The following PKIA variants were observed in gnomAD, a reference collection of about 807,000 sequenced individuals.
PKIA encodes PKI-alpha.
Under a neutral mutation model 7.6 loss-of-function variants are expected in PKIA, and 4 were observed. The observed-to-expected ratio is 0.52, with a 90% CI of 0.26 to 1.20. PKIA has a LOEUF of 1.20. Ranked by LOEUF, PKIA falls within the 50% of genes most tolerant of loss-of-function variation. PKIA has a pLI of 0.13. For synonymous variants in PKIA, 21 were observed against 30.7 expected (o/e 0.68, Z 1.04); for missense variants, 73 against 86.2 (o/e 0.85, Z 0.61).
At chr8:78,552,445 C>T (rs1366235118) in intron 1 of PKIA, among the ~76,000 whole-genome samples, 1 of 151,738 alleles carries the variant, frequency 6.6e-6, no homozygotes, top group Non-Finnish European at 1.5e-5. Flanking sequence ...ATCATTTATG[C>T]TCCCGTGAGT....
chr8:78,540,704 C>T (rs946630229), intron 1 of PKIA, among the ~76,000 whole-genome samples: 46 of 151,224 alleles, frequency 3.0e-4, no homozygotes, highest in African/African-American at 1.1e-3. Flanking sequence ...TTCCTTTTTT[C>T]GCAAATTTTT....
At chr8:78,544,655 T>TC (rs1806779022) in intron 1 of PKIA, among the ~76,000 whole-genome samples, 1 of 152,174 alleles carries the variant, frequency 6.6e-6, no homozygotes, top group Non-Finnish European at 1.5e-5. Flanking sequence ...CATCTATTAA[T>TC]CCAGGAATCA....
chr8:78,536,495 C>T (rs1193940975), intron 1 of PKIA, among the ~76,000 whole-genome samples: 1 of 152,032 alleles, frequency 6.6e-6, no homozygotes, highest in African/African-American at 2.4e-5. Flanking sequence ...CAATCCAATT[C>T]TAGTTACTGT....
chr8:78,594,299 A>G (rs1336640202), intron 2 of PKIA, among the ~76,000 whole-genome samples: 2 of 152,110 alleles, frequency 1.3e-5, no homozygotes, highest in Non-Finnish European at 1.5e-5. Flanking sequence ...GCAGCAGAGA[A>G]ACTCTGGAAA....
At chr8:78,554,401 G>C (rs200337628) in intron 1 of PKIA, among the ~76,000 whole-genome samples, 1 of 151,876 alleles carries the variant, frequency 6.6e-6, no homozygotes, top group African/African-American at 2.4e-5. Context: ...ACACCTGAGA[G>C]GAAAGCCACC....
chr8:78,580,029 C>G (rs1807769081), intron 2 of PKIA, among the ~76,000 whole-genome samples: 2 of 151,948 alleles, frequency 1.3e-5, no homozygotes, highest in Admixed American at 1.3e-4. Context: ...GGAAGACAAT[C>G]CAATAAAGAC....
At chr8:78,578,799 T>G (rs1807737299) in intron 2 of PKIA, among the ~76,000 whole-genome samples, 1 of 151,998 alleles carries the variant, frequency 6.6e-6, no homozygotes, top group Admixed American at 6.6e-5. Context: ...GTTTTCTGTC[T>G]GTGCACATGA....
At chr8:78,543,142 CTG>C (rs1191549510) in intron 1 of PKIA, among the ~76,000 whole-genome samples, 1 of 152,164 alleles carries the variant, frequency 6.6e-6, no homozygotes, top group African/African-American at 2.4e-5. Context: ...GCCTTGAACA[CTG>C]AGGTCAGAAC....
In PKIA at chr8:78,539,136, T is replaced by A. The variant is rs373341252; in HGVS notation, c.-157+22668T>A. 2.6e-5 allele frequency among the ~76,000 whole-genome samples: 4 copies of A among 152,182 alleles called. No individual in the cohort carries two copies. In the South Asian group the frequency reaches 8.3e-4, roughly 32 times the overall value. On this transcript the variant is annotated intron_variant, in intron 1 of 3. Coordinates refer to ENST00000396418, the MANE Select transcript of PKIA (RefSeq NM_006823.4). ...GGCATAAAACATTTGGAGGAAAAGG[T>A]TGATGAGATCCAATTAATGGGCAAA...
At chr8:78,547,032 C>G in intron 1 of PKIA, among the ~76,000 whole-genome samples, 1 of 151,880 alleles carries the variant, frequency 6.6e-6, no homozygotes, top group East Asian at 1.9e-4. Context: ...GTTAGTCATA[C>G]AGTTAATCAT....
chr8:78,579,039 AG>A (rs1807743260), intron 2 of PKIA, among the ~76,000 whole-genome samples: 1 of 152,036 alleles, frequency 6.6e-6, no homozygotes, highest in Non-Finnish European at 1.5e-5. Flanking sequence ...TCAAGCCAAA[AG>A]CTTGGGATTC....
At chr8:78,587,005 G>A (rs1029342866) in intron 2 of PKIA, among the ~76,000 whole-genome samples, 11 of 152,198 alleles carry the variant, frequency 7.2e-5, no homozygotes, top group African/African-American at 1.2e-4. Flanking sequence ...CTATTAAACC[G>A]TAGCTGTTTT....
Position 78,576,757 on chromosome 8 carries a change from T to C in PKIA, c.-28+3818T>C, listed in dbSNP as rs546858127. 5.3e-5 allele frequency among the ~76,000 whole-genome samples: 8 copies of C among 152,068 alleles called. No homozygotes were observed. In the East Asian group the frequency reaches 1.6e-3, roughly 30 times the overall value. ...TCTTTGACAGTGGCATAGTGAGATATTTTATGTAACAGTTATTCTGGCATT... is the reference window on the plus strand; with the variant it reads ...TCTTTGACAGTGGCATAGTGAGATACTTTATGTAACAGTTATTCTGGCATT... On this transcript the variant is annotated intron_variant, in intron 2 of 3. Transcript: ENST00000396418.
intron 1 of PKIA, among the ~76,000 whole-genome samples, chr8:78,538,894 T>G (rs1481003057): frequency 6.6e-6 from 1 of 151,530 alleles, no homozygotes; most frequent in Admixed American, 6.6e-5. Context: ...TGTGAGAGAG[T>G]GTGGGTGTCT....
At chr8:78,517,556 CAA>C (rs756949170) in intron 1 of PKIA, among the ~76,000 whole-genome samples, 2 of 152,184 alleles carry the variant, frequency 1.3e-5, no homozygotes, top group African/African-American at 2.4e-5. Flanking sequence ...TCAAGAACCT[CAA>C]AAGAGTTTCC....
At chr8:78,548,942 T>C (rs1806908831) in intron 1 of PKIA, among the ~76,000 whole-genome samples, 1 of 152,068 alleles carries the variant, frequency 6.6e-6, no homozygotes, top group African/African-American at 2.4e-5. Context: ...GACAAATACA[T>C]GCACTATCAG....
intron 1 of PKIA, chr8:78,556,380 T>TA (rs897735728): frequency 2.6e-5 from 4 of 152,044 alleles, no homozygotes; most frequent in African/African-American, 9.7e-5. Flanking sequence ...ATATGGGAAG[T>TA]AAAAAAATCA....
At chr8:78,558,165 G>A (rs1390240530) in intron 1 of PKIA, among the ~76,000 whole-genome samples, 3 of 151,972 alleles carry the variant, frequency 2.0e-5, no homozygotes, top group African/African-American at 7.3e-5. Flanking sequence ...TCCAAACATT[G>A]GTTTAATTAT....
At chr8:78,569,671 A>C (rs1007025510) in intron 1 of PKIA, among the ~76,000 whole-genome samples, 8 of 152,224 alleles carry the variant, frequency 5.3e-5, no homozygotes, top group Non-Finnish European at 4.4e-5. Flanking sequence ...CACACACTAA[A>C]ACTGAGATAA....
Sources: allele counts gnomAD v4.1 joint callset (sites outside exome capture counted in the v4.1 genomes callset), GRCh38; gene constraint gnomAD v4.1.1; transcripts MANE v1.5; gene names NCBI Gene and HGNC (gene_info 2026-07-23, HGNC 2026-07-21).